The following TRIML1 variants were observed in gnomAD, a reference collection of about 807,000 sequenced individuals.
TRIML1 encodes the protein probable E3 ubiquitin-protein ligase TRIML1.
TRIML1 carries 34 observed loss-of-function variants against 32.3 expected under a neutral mutation model. That is an observed-to-expected ratio of 1.05 (90% CI 0.80 to 1.40). The LOEUF (loss-of-function observed/expected upper bound fraction) is 1.40. Ranked by LOEUF, TRIML1 falls within the 40% of genes most tolerant of loss-of-function variation. TRIML1 has a pLI of 0.00. For synonymous variants in TRIML1, 244 were observed against 226.6 expected (o/e 1.08, Z -0.69); for missense variants, 595 against 574.9 (o/e 1.03, Z -0.36).
chr4:188,149,518 G>C (rs1735196783), downstream of TRIML1, among the ~76,000 whole-genome samples: 1 of 152,092 alleles, frequency 6.6e-6, no homozygotes, highest in Non-Finnish European at 1.5e-5. Context: ...AGGGTTTACT[G>C]TAGGGTGCGC....
chr4:188,141,196 C>G (rs1227328279), intron 2 of TRIML1, among the ~76,000 whole-genome samples: 1 of 112,712 alleles, frequency 8.9e-6, no homozygotes, highest in Non-Finnish European at 1.7e-5. Context: ...GAGATGGAGT[C>G]TCTCTCTGTC....
Position 188,147,561 on chromosome 4 carries a change from C to T in TRIML1, c.*189C>T. ...GCCACATTACACAATCAACTTCAAC[C>T]CCAATAGAAGAGAGCTGATCATATT... On this transcript the variant is annotated 3_prime_UTR_variant, in exon 6 of 6. Coordinates refer to ENST00000332517, the MANE Select transcript of TRIML1 (RefSeq NM_178556.5). 1 of 422,306 alleles carries T rather than the reference C, an allele frequency of 2.4e-6. No individual in the cohort carries two copies. The allele number at this position is 422,306 out of a possible 1,614,324, so 26.2% of individuals were successfully genotyped here.
downstream of TRIML1, among the ~76,000 whole-genome samples, chr4:188,148,027 T>C (rs11733655): frequency 0.79 from 120,083 of 152,152 alleles, 47,795 homozygotes; most frequent in Non-Finnish European, 0.84. Context: ...TCCATTAATA[T>C]GTTAAAAGGT....
chr4:188,139,775 AG>A lies in TRIML1; in HGVS notation c.219del (p.Arg73SerfsTer44). 6.2e-7 allele frequency: 1 copy of A among 1,613,890 alleles called. No homozygotes were observed. Among genetic ancestry groups the A allele is most frequent in the South Asian group, 1.1e-5 (1 of 91,082 alleles). On this transcript the variant is annotated frameshift_variant, in exon 1 of 6. Coordinates refer to ENST00000332517, the MANE Select transcript of TRIML1 (RefSeq NM_178556.5). LOFTEE classifies it high-confidence loss of function. ...PHFQSNERLGRLASIARQLRS... is the reference protein window; with the variant it reads ...PHFQSNERLGXLASIARQLRS... Reference sequence around the variant, plus strand: ...TTTCCAGTCAAACGAGCGTCTGGGGAGGCTGGCCAGCATCGCCAGGCAGCTC... The same window carrying A: ...TTTCCAGTCAAACGAGCGTCTGGGGAGCTGGCCAGCATCGCCAGGCAGCTC...
chr4:188,141,646 T>C (rs1366440867), intron 2 of TRIML1, among the ~76,000 whole-genome samples: 1 of 152,218 alleles, frequency 6.6e-6, no homozygotes, highest in Non-Finnish European at 1.5e-5. Context: ...TCATATTTCT[T>C]ACTCATTTTT....
chr4:188,143,702 C>A, intron 3 of TRIML1, 136 bp from the exon 4 acceptor site: 1 of 1,030,832 alleles, frequency 9.7e-7, no homozygotes, highest in Non-Finnish European at 1.5e-6. Context: ...CTTTTCTCTG[C>A]TCTCTGTGCT....
chr4:188,146,898 G>A lies in TRIML1; in HGVS notation c.933G>A (p.Gly311=). The A allele has an allele frequency of 2.0e-6, 3 of 1,495,444 alleles. No homozygotes were observed. The highest frequency in any genetic ancestry group is 2.7e-6 in the Non-Finnish European group (3 of 1,121,870). 92.6% of individuals were successfully genotyped at this position (1,495,444 alleles called of 1,614,324 possible). ...AGGATCTGAAGAGTGTGAAATATGGGGGAAGCAGACAGCAGCTACCCGACA... is the reference window on the plus strand; with the variant it reads ...AGGATCTGAAGAGTGTGAAATATGGAGGAAGCAGACAGCAGCTACCCGACA... ...LSEDLKSVKY[G]GSRQQLPDNP... is the part of the protein sequence containing the mutation. The change falls in exon 6 of 6, where the codon GGG becomes GGA. Residue 311 remains glycine, a synonymous_variant. Coordinates refer to ENST00000332517, the MANE Select transcript of TRIML1 (RefSeq NM_178556.5).
At chr4:188,144,455 C>CTCTG (rs1734985595) in intron 5 of TRIML1, among the ~76,000 whole-genome samples, 1 of 148,124 alleles carries the variant, frequency 6.8e-6, no homozygotes, top group South Asian at 2.2e-4. Flanking sequence ...CTCCGCTTCC[C>CTCTG]GGGTTCACGC....
At chr4:188,150,738 A>G (rs1007706673), downstream of TRIML1, among the ~76,000 whole-genome samples, 7 of 151,398 alleles carry the variant, frequency 4.6e-5, no homozygotes, top group Admixed American at 4.0e-4. Flanking sequence ...TTGCTGCACC[A>G]TTGTGTACAC....
chr4:188,142,380 G>A lies in TRIML1; in HGVS notation c.633G>A (p.Leu211=). Reference sequence around the variant, plus strand: ...AAGAGAAAGAGAACATGAGGAAGCTGAGGAACAATGAGATCAAACTGACCC... The same window carrying A: ...AAGAGAAAGAGAACATGAGGAAGCTAAGGAACAATGAGATCAAACTGACCC... ...EQEEKENMRK[L]RNNEIKLTQQ... Residue 211 remains leucine, a synonymous_variant, in exon 3 of 6, where the codon CTG becomes CTA. Coordinates refer to ENST00000332517, the MANE Select transcript of TRIML1 (RefSeq NM_178556.5). 1.2e-6 allele frequency: 2 copies of A among 1,613,802 alleles called. No individual in the cohort carries two copies. The highest frequency in any genetic ancestry group is 1.7e-6 in the Non-Finnish European group (2 of 1,180,000).
chr4:188,144,232 T>A, intron 5 of TRIML1, 99 bp downstream of exon 5: 1 of 1,089,822 alleles, frequency 9.2e-7, no homozygotes, highest in Non-Finnish European at 1.3e-6. Flanking sequence ...ACGAGGCTCC[T>A]GGTTAAGGAA....
rs1417348383 is a variant in TRIML1 at position 188,142,269 on chromosome 4, T to C, written c.522T>C (p.Cys174=). Residue 174 remains cysteine (C), a synonymous_variant, in exon 3 of 6, where the codon TGT becomes TGC. Transcript: ENST00000332517. ...VKLCQEETKT[C]KQVVVSEYMK... is the part of the protein sequence containing the mutation. ...TTTGGCAGGAAGAAACAAAGACTTGTAAACAGGTTGTTGTGTCAGAATACA... is the reference window on the plus strand; with the variant it reads ...TTTGGCAGGAAGAAACAAAGACTTGCAAACAGGTTGTTGTGTCAGAATACA... 1.2e-6 allele frequency: 2 copies of C among 1,610,988 alleles called. No individual in the cohort carries two copies. Among genetic ancestry groups the C allele is most frequent in the African/African-American group, 1.4e-5 (1 of 73,622 alleles).
At chr4:188,148,767 T>G (rs1302703862), downstream of TRIML1, among the ~76,000 whole-genome samples, 1 of 151,840 alleles carries the variant, frequency 6.6e-6, no homozygotes, top group Non-Finnish European at 1.5e-5. Context: ...CATTCCCGGC[T>G]AGTTTTTATG....
At chr4:188,141,229 G>A (rs1036114751) in intron 2 of TRIML1, among the ~76,000 whole-genome samples, 5 of 145,592 alleles carry the variant, frequency 3.4e-5, no homozygotes, top group Non-Finnish European at 6.0e-5. Flanking sequence ...GTGCAGTGGC[G>A]CGATCCCGGC....
chr4:188,145,873 T>G (rs1373730083), intron 5 of TRIML1, among the ~76,000 whole-genome samples: 3 of 152,194 alleles, frequency 2.0e-5, no homozygotes, highest in African/African-American at 7.2e-5. Flanking sequence ...TCACAGACTA[T>G]GTGTGCTTCA....
In TRIML1 at chr4:188,143,831, C is replaced by T; in HGVS notation, c.736-7C>T. The T allele has an allele frequency of 6.2e-7, 1 of 1,614,056 alleles. No homozygotes were observed. The highest frequency in any genetic ancestry group is 8.5e-7 in the Non-Finnish European group (1 of 1,180,006). On this transcript the variant is annotated splice_region_variant and splice_polypyrimidine_tract_variant and intron_variant, in intron 3 of 5. Coordinates refer to ENST00000332517, the MANE Select transcript of TRIML1 (RefSeq NM_178556.5). The stretch of plus-strand genomic sequence containing the variant: ...ACCATGCTAACTTCTTTCTTTTTTA[C>T]CCGTAGGAAGTGAGAGGAGCCCTGG...
chr4:188,139,581 A>AACCTCAGG lies in TRIML1; in HGVS notation c.23_24insACCTCAGG (p.Asn9ProfsTer15). 6.3e-7 allele frequency: 1 copy of AACCTCAGG among 1,595,250 alleles called. No homozygotes were observed. Among genetic ancestry groups the AACCTCAGG allele is most frequent in the East Asian group, 2.2e-5 (1 of 44,500 alleles). On this transcript the variant is annotated frameshift_variant, in exon 1 of 6. Coordinates refer to ENST00000332517, the MANE Select transcript of TRIML1 (RefSeq NM_178556.5). LOFTEE classifies it high-confidence loss of function. Reference sequence around the variant, plus strand: ...AAAATGTCTACAGCAGATCTGATGGAGAACCTCAGGGAGGAACTCACCTGT... The same window carrying AACCTCAGG: ...AAAATGTCTACAGCAGATCTGATGGAACCTCAGGGAACCTCAGGGAGGAACTCACCTGT...
At chr4:188,142,904 C>T (rs934233040) in intron 3 of TRIML1, 4 of 163,502 alleles carry the variant, frequency 2.4e-5, no homozygotes, top group African/African-American at 4.8e-5. Context: ...GGGTTAATAG[C>T]GGCACTGATT....
rs1315607669 is a variant in TRIML1 at position 188,145,465 on chromosome 4, AAAAAAAAAAAAG to A, written c.856+1333_856+1344del. Among the ~76,000 whole-genome samples the A allele has an allele frequency of 6.2e-4, 31 of 49,946 alleles. 1 individual carries two copies. The highest frequency in any genetic ancestry group is 1.5e-3 in the East Asian group (5 of 3,308). The allele number at this position is 49,946 out of a possible 152,430, so 32.8% of individuals were successfully genotyped here. A position where few individuals can be genotyped will look rare whatever the true frequency, so the allele number is the denominator to read the frequency against. On this transcript the variant is annotated intron_variant, in intron 5 of 5. Coordinates refer to ENST00000332517, the MANE Select transcript of TRIML1 (RefSeq NM_178556.5). ...TCAAAAAAAAAAAAAAAAAAAAAAA[AAAAAAAAAAAAG>A]TCAGAAATGGAATGACTGGGGTACC...
Sources: allele counts gnomAD v4.1 joint callset (sites outside exome capture counted in the v4.1 genomes callset), GRCh38; gene constraint gnomAD v4.1.1; transcripts MANE v1.5; gene names NCBI Gene and HGNC (gene_info 2026-07-23, HGNC 2026-07-21).